Variants in FAM168A observed in about 807,000 individuals in gnomAD.
The protein encoded by FAM168A is family with sequence similarity 168 member A, also known as protein FAM168A.
FAM168A carries 3 observed loss-of-function variants against 28.5 expected under a neutral mutation model. That is an observed-to-expected ratio of 0.11 (90% CI 0.05 to 0.27). The LOEUF (loss-of-function observed/expected upper bound fraction) is 0.27, where lower values mean the gene tolerates loss of function less well. Ranked by LOEUF, FAM168A falls within the 10% of genes least tolerant of loss-of-function variation. FAM168A has a pLI of 1.00. For synonymous variants in FAM168A, 122 were observed against 124.2 expected, an observed-to-expected ratio of 0.98 and a Z score of 0.12; for missense variants, 222 against 311.5, an observed-to-expected ratio of 0.71 and a Z score of 2.16.
At chr11:73,413,376 T>C (rs558447100) in intron 4 of FAM168A, among the ~76,000 whole-genome samples, 121 of 152,226 alleles carry the variant, frequency 7.9e-4, no homozygotes, top group Non-Finnish European at 1.5e-3. Flanking sequence ...TAAAGAGAAG[T>C]AGAAACTAAC....
At position 73,402,588 on chromosome 11, in the gene FAM168A, C is replaced by G. The variant is rs1401381811; in HGVS notation, c.*4175G>C. 6.6e-6 allele frequency: 1 copy of G among 152,196 alleles called. No homozygotes were observed. Among genetic ancestry groups the G allele is most frequent in the Non-Finnish European group, 1.5e-5 (1 of 68,060 alleles). The allele number at this position is 152,196 out of a possible 1,614,324, so 9.4% of individuals were successfully genotyped here. ...GGTCCTCACCCATGGGAAAAGCAAG[C>G]CCAGGGACTTCAGTCTGTACGTTTT... On this transcript the variant is annotated 3_prime_UTR_variant, in exon 8 of 8. Coordinates refer to ENST00000356467, the MANE Select transcript of FAM168A (RefSeq NM_015159.3).
chr11:73,467,487 TC>T (rs1168127533), intron 2 of FAM168A, among the ~76,000 whole-genome samples: 1 of 152,110 alleles, frequency 6.6e-6, no homozygotes, highest in African/African-American at 2.4e-5. Flanking sequence ...TAAAGTCTGT[TC>T]CCTTTCCAAT....
intron 2 of FAM168A, among the ~76,000 whole-genome samples, chr11:73,434,528 C>T (rs1028778968): frequency 6.6e-6 from 1 of 152,102 alleles, no homozygotes; most frequent in Non-Finnish European, 1.5e-5. Context: ...TGCAAAGGCC[C>T]TAAGGTGACA....
chr11:73,491,522 C>G (rs778086479), intron 1 of FAM168A, among the ~76,000 whole-genome samples: 14 of 152,164 alleles, frequency 9.2e-5, no homozygotes, highest in Admixed American at 1.3e-4. Context: ...TCTGTTTTTA[C>G]TCAAGACAAA....
At chr11:73,588,519 C>T (rs1213274314) in intron 1 of FAM168A, among the ~76,000 whole-genome samples, 2 of 151,974 alleles carry the variant, frequency 1.3e-5, no homozygotes, top group Non-Finnish European at 2.9e-5. Flanking sequence ...AGTGAAATCC[C>T]GTCTCTATGA....
chr11:73,544,842 A>AATAAAT (rs1372265049), intron 1 of FAM168A, among the ~76,000 whole-genome samples: 17 of 98,590 alleles, frequency 1.7e-4, no homozygotes, highest in African/African-American at 8.2e-4. Flanking sequence ...TATAATATAT[A>AATAAAT]TTAAATATAT....
intron 1 of FAM168A, among the ~76,000 whole-genome samples, chr11:73,581,226 T>G (rs1259469890): frequency 6.6e-6 from 1 of 152,236 alleles, no homozygotes; most frequent in Non-Finnish European, 1.5e-5. Context: ...GAAGGGAGTT[T>G]GAAAGTTGTT....
intron 4 of FAM168A, among the ~76,000 whole-genome samples, chr11:73,415,518 G>C (rs1257865816): frequency 6.6e-6 from 1 of 152,150 alleles, no homozygotes; most frequent in African/African-American, 2.4e-5. Context: ...ATCCTCATTT[G>C]GACTAGACAG....
intron 2 of FAM168A, among the ~76,000 whole-genome samples, chr11:73,442,148 C>CG (rs1867208048): frequency 7.3e-6 from 1 of 137,462 alleles, no homozygotes; most frequent in African/African-American, 2.8e-5. Flanking sequence ...TTTTTTGAGA[C>CG]GGAGTCTCAC....
intron 1 of FAM168A, among the ~76,000 whole-genome samples, chr11:73,473,774 G>A (rs1015869927): frequency 6.6e-6 from 1 of 151,696 alleles, no homozygotes; most frequent in Non-Finnish European, 1.5e-5. Flanking sequence ...ATCTAAAATA[G>A]GTCCTCCACA....
chr11:73,431,420 C>T (rs958086346), intron 2 of FAM168A, among the ~76,000 whole-genome samples: 6 of 146,266 alleles, frequency 4.1e-5, no homozygotes, highest in African/African-American at 1.2e-4. Flanking sequence ...TTTACTTTCA[C>T]ATTCCTGCCG....
intron 1 of FAM168A, among the ~76,000 whole-genome samples, chr11:73,516,192 T>C (rs1257323720): frequency 6.6e-6 from 1 of 152,088 alleles, no homozygotes; most frequent in Non-Finnish European, 1.5e-5. Flanking sequence ...CTGGGAGCTC[T>C]ATAAAATGAA....
At chr11:73,524,508 AATTT>A (rs1943426033) in intron 1 of FAM168A, among the ~76,000 whole-genome samples, 1 of 151,536 alleles carries the variant, frequency 6.6e-6, no homozygotes, top group Non-Finnish European at 1.5e-5. Flanking sequence ...CTGATCCTCT[AATTT>A]ATTTCTTTCC....
chr11:73,471,905 T>C (rs1191152338), intron 1 of FAM168A, among the ~76,000 whole-genome samples: 2 of 152,032 alleles, frequency 1.3e-5, no homozygotes, highest in African/African-American at 4.8e-5. Context: ...CCAGCACCAG[T>C]CCATTCCATG....
intron 1 of FAM168A, among the ~76,000 whole-genome samples, chr11:73,548,198 C>T (rs1943783668): frequency 6.6e-6 from 1 of 152,078 alleles, no homozygotes; most frequent in Non-Finnish European, 1.5e-5. Flanking sequence ...CTAAACTATA[C>T]ACTTAAAAAT....
At chr11:73,564,856 A>T (rs75726914) in intron 1 of FAM168A, among the ~76,000 whole-genome samples, 8,479 of 150,728 alleles carry the variant, frequency 0.056, 835 homozygotes, top group African/African-American at 0.2. Context: ...AACGTGTCAG[A>T]GTGTCCAGGA....
At chr11:73,425,837 T>C (rs554703763) in intron 3 of FAM168A, among the ~76,000 whole-genome samples, 2 of 152,356 alleles carry the variant, frequency 1.3e-5, no homozygotes, top group Admixed American at 1.3e-4. Context: ...CCCCCCGCCT[T>C]GCCCTCCCAA....
chr11:73,451,587 A>AT (rs1195386285), intron 2 of FAM168A, among the ~76,000 whole-genome samples: 1 of 135,522 alleles, frequency 7.4e-6, no homozygotes, highest in Non-Finnish European at 1.6e-5. Flanking sequence ...AGGTGATCCC[A>AT]TAAGATTATA....
At chr11:73,516,044 T>C (rs951880012) in intron 1 of FAM168A, among the ~76,000 whole-genome samples, 1 of 149,502 alleles carries the variant, frequency 6.7e-6, no homozygotes, top group Non-Finnish European at 1.5e-5. Flanking sequence ...GAGGTTGCAG[T>C]GAGCCGAGAT....
Sources: gnomAD v4.1 joint callset for allele counts (sites outside exome capture counted in the v4.1 genomes callset) on GRCh38, gnomAD v4.1.1 for gene constraint, MANE v1.5 for transcripts, NCBI Gene and HGNC (gene_info 2026-07-23, HGNC 2026-07-21) for gene names.